Variants in CDH13 observed in about 807,000 individuals in gnomAD.
CDH13 encodes cadherin 13.
In CDH13, 24 loss-of-function variants were observed where a neutral mutation model predicts 63.8. The ratio of observed to expected loss-of-function variants is 0.38; its 90% confidence interval spans 0.27 to 0.53. The LOEUF (loss-of-function observed/expected upper bound fraction) is 0.53, where lower values mean the gene tolerates loss of function less well. Ranked by LOEUF, CDH13 falls within the 20% of genes least tolerant of loss-of-function variation. CDH13 has a pLI of 0.85. For missense variants in CDH13, 1,049 were observed against 903.1 expected (o/e 1.16, Z -2.07); for synonymous variants, 503 against 355.3 (o/e 1.42, Z -4.67).
chr16:83,420,678 A>G (rs1288551887), intron 6 of CDH13, among the ~76,000 whole-genome samples: 1 of 152,248 alleles, frequency 6.6e-6, no homozygotes, highest in Non-Finnish European at 1.5e-5. Context: ...CCACGTGATT[A>G]CAAGGTAAAG....
chr16:83,596,835 A>G (rs1015641885), intron 7 of CDH13, among the ~76,000 whole-genome samples: 1 of 152,194 alleles, frequency 6.6e-6, no homozygotes, highest in African/African-American at 2.4e-5. Context: ...GGATTTTGTT[A>G]CTGTTCTCCT....
At chr16:82,689,831 C>T (rs1259213637) in intron 1 of CDH13, among the ~76,000 whole-genome samples, 1 of 151,630 alleles carries the variant, frequency 6.6e-6, no homozygotes, top group Admixed American at 6.6e-5. Flanking sequence ...ATTTCTGTCC[C>T]AGTAAGTTGT....
chr16:83,165,536 G>A (rs114977192), intron 4 of CDH13, among the ~76,000 whole-genome samples: 1 of 152,096 alleles, frequency 6.6e-6, no homozygotes, highest in Non-Finnish European at 1.5e-5. Context: ...GCTGAGGAAG[G>A]TGGTTGGTTG....
At chr16:83,691,791 A>G (rs894068645) in intron 10 of CDH13, among the ~76,000 whole-genome samples, 3 of 151,950 alleles carry the variant, frequency 2.0e-5, no homozygotes, top group African/African-American at 7.3e-5. Context: ...TGTCTGATCC[A>G]CTTCCCTAAC....
At chr16:82,938,869 TA>T (rs1274909233) in intron 2 of CDH13, among the ~76,000 whole-genome samples, 4 of 151,986 alleles carry the variant, frequency 2.6e-5, no homozygotes, top group Non-Finnish European at 4.4e-5. Flanking sequence ...CAGCTGGAGG[TA>T]CTTATTTCAG....
intron 6 of CDH13, among the ~76,000 whole-genome samples, chr16:83,363,065 GAGGAAATTTTCT>G (rs1424063894): frequency 5.9e-5 from 9 of 152,184 alleles, no homozygotes; most frequent in African/African-American, 2.2e-4. Context: ...ACATCACCAG[GAGGAAATTTTCT>G]AGAGTTAGAA....
At chr16:83,078,180 G>A (rs1193174693) in intron 3 of CDH13, among the ~76,000 whole-genome samples, 1 of 152,052 alleles carries the variant, frequency 6.6e-6, no homozygotes, top group African/African-American at 2.4e-5. Flanking sequence ...CAGAAGTTGG[G>A]GCTTCCTGTC....
chr16:82,701,372 A>C (rs555365209), intron 1 of CDH13, among the ~76,000 whole-genome samples: 1 of 152,112 alleles, frequency 6.6e-6, no homozygotes, highest in Non-Finnish European at 1.5e-5. Context: ...GATTACTAAG[A>C]CTTTTAACAT....
intron 7 of CDH13, among the ~76,000 whole-genome samples, chr16:83,553,694 T>C (rs1020795440): frequency 4.6e-5 from 7 of 152,168 alleles, no homozygotes; most frequent in African/African-American, 1.7e-4. Flanking sequence ...GTAGTTGGGA[T>C]TACAGGCACC....
intron 4 of CDH13, among the ~76,000 whole-genome samples, chr16:83,210,178 C>A (rs2039300550): frequency 6.6e-6 from 1 of 151,970 alleles, no homozygotes; most frequent in South Asian, 2.1e-4. Flanking sequence ...GATTCTCCTG[C>A]CTCAGCCTCC....
At chr16:82,932,601 C>G (rs997554533) in intron 2 of CDH13, among the ~76,000 whole-genome samples, 6 of 152,142 alleles carry the variant, frequency 3.9e-5, no homozygotes, top group African/African-American at 1.4e-4. Context: ...AGATCAGGTA[C>G]ATAAACTTTA....
chr16:82,762,480 A>G (rs2034891207), intron 1 of CDH13, among the ~76,000 whole-genome samples: 1 of 152,234 alleles, frequency 6.6e-6, no homozygotes, highest in South Asian at 2.1e-4. Context: ...AGAGGATGTT[A>G]TTTAATAAAC....
chr16:83,192,920 C>T (rs569098063), intron 4 of CDH13, among the ~76,000 whole-genome samples: 10 of 152,130 alleles, frequency 6.6e-5, no homozygotes, highest in African/African-American at 2.4e-4. Context: ...GTCTTTACCC[C>T]AAAAACCACA....
intron 1 of CDH13, among the ~76,000 whole-genome samples, chr16:82,798,097 G>A (rs1042836393): frequency 2.0e-5 from 3 of 152,224 alleles, no homozygotes; most frequent in African/African-American, 4.8e-5. Flanking sequence ...ATCAATTGCA[G>A]ATGCAGTGTC....
chr16:83,090,444 C>T (rs990781803), intron 3 of CDH13, among the ~76,000 whole-genome samples: 5 of 152,068 alleles, frequency 3.3e-5, no homozygotes, highest in South Asian at 2.1e-4. Flanking sequence ...CATGGTGGTG[C>T]ACCCCTGTAA....
At chr16:82,680,780 C>T (rs1300090571) in intron 1 of CDH13, among the ~76,000 whole-genome samples, 1 of 152,162 alleles carries the variant, frequency 6.6e-6, no homozygotes, top group African/African-American at 2.4e-5. Context: ...ATTACTACCT[C>T]TAGGCCTGAA....
At chr16:82,927,467 C>T (rs1567668367) in intron 2 of CDH13, among the ~76,000 whole-genome samples, 3 of 152,124 alleles carry the variant, frequency 2.0e-5, no homozygotes, top group Admixed American at 6.6e-5. Flanking sequence ...TATAAGGATA[C>T]CTCACGTGAG....
At chr16:82,737,189 CATCAT>C (rs1256168491) in intron 1 of CDH13, among the ~76,000 whole-genome samples, 1 of 152,210 alleles carries the variant, frequency 6.6e-6, no homozygotes, top group Admixed American at 6.5e-5. Flanking sequence ...CATGTGAACT[CATCAT>C]ATCAGGAGTC....
At chr16:83,378,641 T>A (rs1044601524) in intron 6 of CDH13, among the ~76,000 whole-genome samples, 1 of 152,120 alleles carries the variant, frequency 6.6e-6, no homozygotes, top group Non-Finnish European at 1.5e-5. Context: ...GATCTCTGTT[T>A]CTTATTATCA....
Sources: gnomAD v4.1 joint callset for allele counts (sites outside exome capture counted in the v4.1 genomes callset) on GRCh38, gnomAD v4.1.1 for gene constraint, MANE v1.5 for transcripts, NCBI Gene and HGNC (gene_info 2026-07-23, HGNC 2026-07-21) for gene names.